ILRUN: variants seen among roughly 807,000 people sequenced by gnomAD.
ILRUN encodes the protein inflammation and lipid regulator with UBA-like and NBR1-like domains.
A neutral mutation model predicts 33.8 loss-of-function variants in ILRUN; 3 were observed. That is an observed-to-expected ratio of 0.09 (90% CI 0.04 to 0.23). The LOEUF (loss-of-function observed/expected upper bound fraction) is 0.23. ILRUN is among the 10% of genes least tolerant of loss of function. The pLI is 1.00. For synonymous variants in ILRUN, 124 were observed against 138.9 expected (o/e 0.89, Z 0.75); for missense variants, 210 against 375.1 (o/e 0.56, Z 3.64).
intron 1 of ILRUN, among the ~76,000 whole-genome samples, chr6:34,672,761 T>C (rs1305012315): frequency 6.6e-6 from 1 of 151,002 alleles, no homozygotes; most frequent in Admixed American, 6.6e-5. Context: ...GTCCAATATC[T>C]GAAAAACAGG....
At chr6:34,626,673 C>T (rs1354379617) in intron 3 of ILRUN, among the ~76,000 whole-genome samples, 1 of 152,160 alleles carries the variant, frequency 6.6e-6, no homozygotes, top group Admixed American at 6.5e-5. Flanking sequence ...GTACATTCTA[C>T]GGGTTTGGAC....
intron 1 of ILRUN, among the ~76,000 whole-genome samples, chr6:34,688,298 G>GGA (rs1277733004): frequency 6.6e-6 from 1 of 151,882 alleles, no homozygotes; most frequent in Non-Finnish European, 1.5e-5. Flanking sequence ...CAGCTACTTG[G>GGA]GAGACTGAGG....
In ILRUN at chr6:34,641,058, G is replaced by A. The variant is rs560615291; in HGVS notation, c.511+5543C>T. On this transcript the variant is annotated intron_variant, in intron 3 of 4. Transcript: ENST00000374023. ...GACGCCACTGCACTCCAGCCTGGGCGACAGAGCAGGACTCCATCTCAAAAA... is the reference window on the plus strand; with the variant it reads ...GACGCCACTGCACTCCAGCCTGGGCAACAGAGCAGGACTCCATCTCAAAAA... Among the ~76,000 whole-genome samples, 15 of 125,436 alleles carry A rather than the reference G, an allele frequency of 1.2e-4. No homozygotes were observed. The East Asian group carries it at 3.2e-3, about 27-fold the overall frequency. 82.3% of individuals were successfully genotyped at this position (125,436 alleles called of 152,430 possible).
intron 1 of ILRUN, among the ~76,000 whole-genome samples, chr6:34,662,705 C>T (rs1349746705): frequency 6.6e-6 from 1 of 152,096 alleles, no homozygotes; most frequent in Non-Finnish European, 1.5e-5. Context: ...TTCTGTTTTG[C>T]AAGATGAAAG....
intron 3 of ILRUN, among the ~76,000 whole-genome samples, chr6:34,627,849 A>G (rs1315940377): frequency 1.3e-5 from 2 of 151,606 alleles, no homozygotes; most frequent in Non-Finnish European, 2.9e-5. Flanking sequence ...GATTACAGAC[A>G]TGCACCACCA....
intron 2 of ILRUN, 85 bp downstream of exon 2, chr6:34,654,540 A>G: frequency 7.2e-7 from 1 of 1,397,352 alleles, no homozygotes; most frequent in Non-Finnish European, 9.7e-7. Flanking sequence ...ACACAATCAC[A>G]TACATAAGCT....
chr6:34,633,226 G>C (rs1762283696), intron 3 of ILRUN, among the ~76,000 whole-genome samples: 1 of 151,138 alleles, frequency 6.6e-6, no homozygotes, highest in Non-Finnish European at 1.5e-5. Context: ...TCACCTAAAA[G>C]ATAATGCTAA....
intron 1 of ILRUN, among the ~76,000 whole-genome samples, chr6:34,656,492 T>A (rs1384928053): frequency 1.3e-5 from 2 of 152,176 alleles, no homozygotes; most frequent in African/African-American, 2.4e-5. Flanking sequence ...GGTAATTACA[T>A]TAACTGCTTC....
intron 4 of ILRUN, 148 bp from the exon 5 acceptor site, chr6:34,590,748 C>T (rs1377690140): frequency 6.4e-6 from 4 of 623,992 alleles, no homozygotes; most frequent in Admixed American, 2.5e-5. Context: ...TACAAAACCT[C>T]GGCAGGCCAA....
intron 3 of ILRUN, among the ~76,000 whole-genome samples, chr6:34,618,413 T>C (rs1408694064): frequency 1.3e-5 from 2 of 152,168 alleles, no homozygotes. Context: ...TTGCTTCATG[T>C]CAACACCTAA....
chr6:34,606,178 A>T (rs1761625112), intron 4 of ILRUN, among the ~76,000 whole-genome samples: 1 of 152,252 alleles, frequency 6.6e-6, no homozygotes, highest in Non-Finnish European at 1.5e-5. Flanking sequence ...GACTGAAAAG[A>T]CATCAACAAG....
At chr6:34,677,916 TCTA>T (rs1283863802) in intron 1 of ILRUN, among the ~76,000 whole-genome samples, 1 of 137,652 alleles carries the variant, frequency 7.3e-6, no homozygotes, top group Non-Finnish European at 1.5e-5. Flanking sequence ...ACCACTGCAC[TCTA>T]GCGTGAGTGA....
intron 1 of ILRUN, among the ~76,000 whole-genome samples, chr6:34,669,973 G>A (rs893746140): frequency 1.3e-5 from 2 of 151,664 alleles, no homozygotes; most frequent in African/African-American, 2.4e-5. Flanking sequence ...ATGTAATGGC[G>A]CAATCTCGGC....
chr6:34,683,473 C>CATATATATACATATATATAT (rs1174245644), intron 1 of ILRUN, among the ~76,000 whole-genome samples: 36 of 97,812 alleles, frequency 3.7e-4, no homozygotes, highest in East Asian at 1.5e-3. Flanking sequence ...CATATATATA[C>CATATATATACATATATATAT]ACATATATAT....
intron 1 of ILRUN, among the ~76,000 whole-genome samples, chr6:34,693,230 GAAAAT>G (rs1436780139): frequency 6.6e-6 from 1 of 152,072 alleles, no homozygotes; most frequent in Non-Finnish European, 1.5e-5. Flanking sequence ...TATAATCAAA[GAAAAT>G]AAAGAACATG....
At position 34,588,898 on chromosome 6, in the gene ILRUN, T is replaced by C. The variant is rs1282293802; in HGVS notation, c.*1667A>G. The C allele has an allele frequency of 6.5e-6, 1 of 152,750 alleles. No homozygotes were observed. Among genetic ancestry groups the C allele is most frequent in the Non-Finnish European group, 1.5e-5 (1 of 68,146 alleles). 9.5% of individuals were successfully genotyped at this position (152,750 alleles called of 1,614,324 possible). A position where few individuals can be genotyped will look rare whatever the true frequency, so the allele number is the denominator to read the frequency against. On this transcript the variant is annotated 3_prime_UTR_variant, in exon 5 of 5. Coordinates refer to ENST00000374023, the MANE Select transcript of ILRUN (RefSeq NM_024294.4). ...AGGAGGAACAAACAACACACATTTT[T>C]TGGAACTCAGACACCCAGACAGAAA... is the stretch of plus-strand genomic sequence containing the variant.
chr6:34,624,401 G>A (rs999709040), intron 3 of ILRUN, among the ~76,000 whole-genome samples: 6 of 151,926 alleles, frequency 3.9e-5, no homozygotes, highest in Non-Finnish European at 8.8e-5. Context: ...TCGGCTGACT[G>A]CAACCTCCAC....
intron 1 of ILRUN, among the ~76,000 whole-genome samples, chr6:34,689,628 A>T (rs907824913): frequency 1.3e-5 from 2 of 152,192 alleles, no homozygotes; most frequent in South Asian, 4.1e-4. Context: ...AAACCACAGC[A>T]TAGATGAGAA....
intron 1 of ILRUN, among the ~76,000 whole-genome samples, chr6:34,683,531 T>C (rs1763453244): frequency 7.9e-6 from 1 of 126,854 alleles, no homozygotes; most frequent in Admixed American, 8.1e-5. Flanking sequence ...TATATATACA[T>C]ATTGCACAGA....
Sources: allele counts gnomAD v4.1 joint callset (sites outside exome capture counted in the v4.1 genomes callset), GRCh38; gene constraint gnomAD v4.1.1; transcripts MANE v1.5; gene names NCBI Gene and HGNC (gene_info 2026-07-23, HGNC 2026-07-21).